AACS: variants seen among roughly 807,000 people sequenced by gnomAD.
The protein encoded by AACS is acetoacetyl-CoA synthetase, also known as acetoacetate-CoA ligase.
Under a neutral mutation model 83.1 loss-of-function variants are expected in AACS, and 69 were observed. The observed-to-expected ratio is 0.83, with a 90% CI of 0.68 to 1.01. The LOEUF (loss-of-function observed/expected upper bound fraction) is 1.01, where lower values mean the gene tolerates loss of function less well. Ranked by LOEUF, AACS falls within the 50% of genes least tolerant of loss-of-function variation. AACS has a pLI of 0.00. For synonymous variants in AACS, 333 were observed against 343.4 expected, an observed-to-expected ratio of 0.97 and a Z score of 0.33; for missense variants, 866 against 882.2, an observed-to-expected ratio of 0.98 and a Z score of 0.23.
intron 17 of AACS, among the ~76,000 whole-genome samples, chr12:125,137,767 T>C (rs534629784): frequency 6.6e-6 from 1 of 152,312 alleles, no homozygotes; most frequent in Admixed American, 6.5e-5. Context: ...TGTATGTGAA[T>C]GTATACAACA....
At chr12:125,106,716 A>G (rs1009127460) in intron 7 of AACS, among the ~76,000 whole-genome samples, 2 of 152,220 alleles carry the variant, frequency 1.3e-5, no homozygotes, top group African/African-American at 4.8e-5. Flanking sequence ...GGTGATCAAT[A>G]GCAAACAAAG....
At position 125,128,234 on chromosome 12, in the gene AACS, C is replaced by T; in HGVS notation, c.1383C>T (p.Ala461=). Residue 461 remains alanine, a synonymous_variant, in exon 13 of 18, where the codon GCC becomes GCT. Coordinates refer to ENST00000316519, the MANE Select transcript of AACS (RefSeq NM_023928.5). ...SLPVYKGEIQ[A]RNLGMAVEAW... ...CTGTGTATAAAGGGGAGATTCAGGC[C>T]CGGAACCTGGGCATGGCCGTGGAAG... 2 of 1,613,056 alleles carry T rather than the reference C, an allele frequency of 1.2e-6. No individual in the cohort carries two copies. Among genetic ancestry groups the T allele is most frequent in the Non-Finnish European group, 1.7e-6 (2 of 1,179,286 alleles).
intron 17 of AACS, 51 bp from the exon 18 acceptor site, chr12:125,142,041 T>C (rs575003255): frequency 2.5e-6 from 4 of 1,608,628 alleles, no homozygotes; most frequent in East Asian, 2.2e-5. Context: ...GGCTGCGGAT[T>C]TTCCCCCCTT....
At chr12:125,091,167 A>T in intron 4 of AACS, 1 of 503,824 alleles carries the variant, frequency 2.0e-6, no homozygotes, top group South Asian at 2.1e-5. Context: ...GATCCCAGGG[A>T]GGGATGGGGA....
intron 10 of AACS, 21 bp from the exon 11 acceptor site, chr12:125,124,684 T>C (rs1392811158): frequency 6.2e-7 from 1 of 1,613,068 alleles, no homozygotes; most frequent in South Asian, 1.1e-5. Flanking sequence ...TCTGGTGTTT[T>C]CTTTCCCGCC....
chr12:125,086,277 A>C (rs1956337186), intron 3 of AACS, 53 bp from the exon 4 acceptor site: 1 of 1,526,554 alleles, frequency 6.6e-7, no homozygotes, highest in South Asian at 1.1e-5. Context: ...TCTGGCTTGC[A>C]ACTTTTCTTT....
intron 9 of AACS, 36 bp from the exon 10 acceptor site, chr12:125,118,605 G>C: frequency 6.2e-7 from 1 of 1,612,124 alleles, no homozygotes; most frequent in East Asian, 2.2e-5. Context: ...GAGCTGCCTA[G>C]CGCCCGCTGA....
chr12:125,142,245 G>A lies in AACS; in HGVS notation c.*16G>A, dbSNP rs368295254. On this transcript the variant is annotated 3_prime_UTR_variant, in exon 18 of 18. Coordinates refer to ENST00000316519, the MANE Select transcript of AACS (RefSeq NM_023928.5). Reference sequence around the variant, plus strand: ...GGGCTTCTGAGTCAGACTGGCTGGCGTGTCACTCAGCCGCACCCGTGTGCA... The same window carrying A: ...GGGCTTCTGAGTCAGACTGGCTGGCATGTCACTCAGCCGCACCCGTGTGCA... 274 of 1,612,848 alleles carry A rather than the reference G, an allele frequency of 1.7e-4. No homozygotes were observed. Among genetic ancestry groups the A allele is most frequent in the Non-Finnish European group, 2.2e-4 (262 of 1,179,222 alleles).
In AACS at chr12:125,142,248, T is replaced by C; in HGVS notation, c.*19T>C. ...CTTCTGAGTCAGACTGGCTGGCGTGTCACTCAGCCGCACCCGTGTGCACTG... is the reference window on the plus strand; with the variant it reads ...CTTCTGAGTCAGACTGGCTGGCGTGCCACTCAGCCGCACCCGTGTGCACTG... On this transcript the variant is annotated 3_prime_UTR_variant, in exon 18 of 18. Transcript: ENST00000316519. 6.2e-7 allele frequency: 1 copy of C among 1,612,708 alleles called. No homozygotes were observed.
intron 3 of AACS, among the ~76,000 whole-genome samples, chr12:125,080,785 G>A (rs1040460792): frequency 6.8e-6 from 1 of 148,014 alleles, no homozygotes; most frequent in Non-Finnish European, 1.5e-5. Flanking sequence ...TCCTCCTCCC[G>A]GGTTCACGCC....
intron 3 of AACS, among the ~76,000 whole-genome samples, chr12:125,085,564 G>A (rs570352226): frequency 9.2e-5 from 14 of 152,046 alleles, no homozygotes; most frequent in African/African-American, 3.4e-4. Flanking sequence ...ACGGAATCAC[G>A]CACATGCACG....
chr12:125,130,251 C>T lies in AACS; in HGVS notation c.1549+791C>T, dbSNP rs572878499. Among the ~76,000 whole-genome samples, 17 of 152,338 alleles carry T rather than the reference C, an allele frequency of 1.1e-4. No individual in the cohort carries two copies. The South Asian group carries it at 3.3e-3, about 30-fold the overall frequency. On this transcript the variant is annotated intron_variant, in intron 14 of 17. Coordinates refer to ENST00000316519, the MANE Select transcript of AACS (RefSeq NM_023928.5). The surrounding 1 kb of genome is among the most constrained non-coding windows in gnomAD (Gnocchi z 4.9). ...GTATCCTTCCTGCCTTGCGTGTTTGCGTTTCACCGTTAAAGCCATTGTGCC... is the reference window on the plus strand; with the variant it reads ...GTATCCTTCCTGCCTTGCGTGTTTGTGTTTCACCGTTAAAGCCATTGTGCC...
chr12:125,065,775 G>A lies in AACS; in HGVS notation c.133+58G>A. On this transcript the variant is annotated intron_variant, in intron 1 of 17. Transcript: ENST00000316519. ...GGATGGGCGGGAGCCGTGCAGGGTG[G>A]TTGGGTGGTCTCCCCATGGCTAGTT... 4 of 1,450,842 alleles carry A rather than the reference G, an allele frequency of 2.8e-6. No homozygotes were observed. The South Asian group carries it at 5.8e-5, about 21-fold the overall frequency. The allele number at this position is 1,450,842 out of a possible 1,614,324, so 89.9% of individuals were successfully genotyped here. A position where few individuals can be genotyped will look rare whatever the true frequency, so the allele number is the denominator to read the frequency against.
At chr12:125,067,860 A>G (rs1264565423) in intron 1 of AACS, among the ~76,000 whole-genome samples, 2 of 152,040 alleles carry the variant, frequency 1.3e-5, no homozygotes, top group Non-Finnish European at 2.9e-5. Flanking sequence ...AACTAGCTCT[A>G]CCACTTACCA....
At position 125,117,039 on chromosome 12, in the gene AACS, C is replaced by T. The variant is rs1352366545; in HGVS notation, c.997-1602C>T. Among the ~76,000 whole-genome samples the T allele has an allele frequency of 1.3e-5, 2 of 152,026 alleles. 1 individual carries two copies. The highest frequency in any genetic ancestry group is 2.9e-5 in the Non-Finnish European group (2 of 68,004). The stretch of plus-strand genomic sequence containing the variant: ...CTCACTGCAGCCTCCAACTCTTGGG[C>T]TCAAGTAATCCTTCCACCTCAGCCT... On this transcript the variant is annotated intron_variant, in intron 9 of 17. Transcript: ENST00000316519.
intron 1 of AACS, 88 bp downstream of exon 1, chr12:125,065,805 G>T: frequency 6.5e-6 from 9 of 1,393,120 alleles, no homozygotes; most frequent in Non-Finnish European, 8.4e-6. Context: ...CTAGTTTCAC[G>T]CTTCTGGGGC....
rs138363603 is a variant in AACS, at chr12:125,082,513, G to A, written c.359-3817G>A. Among the ~76,000 whole-genome samples the A allele has an allele frequency of 2.0e-3, 294 of 148,596 alleles. 2 individuals carry two copies. The highest frequency in any genetic ancestry group is 7.1e-3 in the African/African-American group (289 of 40,560). ...ATTTATGCCAAAGGGAAATTAGGAT[G>A]TTTATTCACTTTCTAAAAGAGACAA... On this transcript the variant is annotated intron_variant, in intron 3 of 17. Transcript: ENST00000316519.
intron 9 of AACS, among the ~76,000 whole-genome samples, chr12:125,117,148 A>G (rs1189286932): frequency 6.6e-6 from 1 of 151,954 alleles, no homozygotes. Flanking sequence ...ACGGTGGCTC[A>G]CGCCTGTAAT....
At position 125,130,773 on chromosome 12, in the gene AACS, C is replaced by T. The variant is rs1324682400; in HGVS notation, c.1549+1313C>T. The stretch of plus-strand genomic sequence containing the variant: ...ATAATTGCTTTGTTTTTGTAGTCCT[C>T]TTACCTTTAGGGTAAGATTTTGCTT... On this transcript the variant is annotated intron_variant, in intron 14 of 17. Transcript: ENST00000316519. The surrounding 1 kb of genome is among the most constrained non-coding windows in gnomAD (Gnocchi z 4.9). 2.6e-5 allele frequency among the ~76,000 whole-genome samples: 4 copies of T among 152,162 alleles called. No individual in the cohort carries two copies. Among genetic ancestry groups the T allele is most frequent in the South Asian group, 2.1e-4 (1 of 4,826 alleles).
Sources: gnomAD v4.1 joint callset for allele counts (sites outside exome capture counted in the v4.1 genomes callset) on GRCh38, gnomAD v4.1.1 for gene constraint, Gnocchi (gnomAD v3.1) non-coding constraint, MANE v1.5 for transcripts, NCBI Gene and HGNC (gene_info 2026-07-23, HGNC 2026-07-21) for gene names.